Variants in ABCC9 observed in about 807,000 individuals in gnomAD.
ABCC9 encodes the protein ATP binding cassette subfamily C member 9.
Under a neutral mutation model 188.3 loss-of-function variants are expected in ABCC9, and 95 were observed. The ratio of observed to expected loss-of-function variants is 0.50; its 90% CI spans 0.43 to 0.60. ABCC9 has a LOEUF of 0.60. Among genes scored for constraint, ABCC9 ranks in the 20% least tolerant of loss-of-function variants. ABCC9 has a pLI of 0.00. For missense variants in ABCC9, 1,102 were observed against 1,876.3 expected (o/e 0.59, Z 7.62); for synonymous variants, 659 against 652.7 (o/e 1.01, Z -0.15).
intron 2 of ABCC9, among the ~76,000 whole-genome samples, chr12:21,936,924 T>C (rs1214776504): frequency 2.6e-5 from 4 of 152,168 alleles, no homozygotes; most frequent in African/African-American, 9.7e-5. Flanking sequence ...TGCTTTCATG[T>C]GGAAAATGTA....
chr12:21,805,967 A>G (rs1255467330), intron 39 of ABCC9, 31 bp downstream of exon 39: 27 of 1,606,474 alleles, frequency 1.7e-5, no homozygotes, highest in South Asian at 2.2e-5. Flanking sequence ...AAAACCAAAG[A>G]GGTATACCAA....
chr12:21,863,365 T>TA (rs1307978476), intron 19 of ABCC9, among the ~76,000 whole-genome samples: 2 of 152,098 alleles, frequency 1.3e-5, no homozygotes, highest in African/African-American at 4.8e-5. Context: ...CTATAATTTT[T>TA]AAAAAATAAT....
intron 12 of ABCC9, among the ~76,000 whole-genome samples, chr12:21,897,479 G>C (rs987778215): frequency 2.0e-5 from 3 of 152,198 alleles, no homozygotes; most frequent in Non-Finnish European, 4.4e-5. Context: ...CATAGTGCCA[G>C]AGATGGAGTG....
At position 21,814,635 on chromosome 12, in the gene ABCC9, G is replaced by C; in HGVS notation, c.4102+9C>G. 3 of 1,613,114 alleles carry C rather than the reference G, an allele frequency of 1.9e-6. No individual in the cohort carries two copies. Among genetic ancestry groups the C allele is most frequent in the Non-Finnish European group, 2.5e-6 (3 of 1,179,342 alleles). On this transcript the variant is annotated intron_variant, in intron 35 of 39. Transcript: ENST00000261200. ...AGTGGCCACTTAAAAAATTTAGTTA[G>C]CAACTCACCATCAAATATATCAACC... is the stretch of plus-strand genomic sequence containing the variant.
chr12:21,858,417 TAA>T (rs948182402), intron 22 of ABCC9, among the ~76,000 whole-genome samples: 2 of 137,034 alleles, frequency 1.5e-5, no homozygotes, highest in Non-Finnish European at 1.6e-5. Flanking sequence ...CTACTAAAAA[TAA>T]AAAAAAAAAA....
intron 24 of ABCC9, among the ~76,000 whole-genome samples, chr12:21,850,247 GTTGATAGGAAAC>G (rs904850508): frequency 7.2e-5 from 11 of 151,754 alleles, no homozygotes; most frequent in Non-Finnish European, 1.3e-4. Context: ...ATTGGCCCAG[GTTGATAGGAAAC>G]ACCCTGTCCT....
chr12:21,877,683 G>C (rs61921468), intron 16 of ABCC9, among the ~76,000 whole-genome samples: 1 of 152,114 alleles, frequency 6.6e-6, no homozygotes. Flanking sequence ...GGGAGCTAAG[G>C]TGATCTGGAG....
chr12:21,901,304 G>T (rs1305467794), intron 12 of ABCC9, among the ~76,000 whole-genome samples: 1 of 152,100 alleles, frequency 6.6e-6, no homozygotes, highest in Non-Finnish European at 1.5e-5. Flanking sequence ...CCTGAAGGAA[G>T]CAATAAACAT....
At chr12:21,890,909 A>C (rs1293749240) in intron 14 of ABCC9, among the ~76,000 whole-genome samples, 1 of 152,104 alleles carries the variant, frequency 6.6e-6, no homozygotes, top group Non-Finnish European at 1.5e-5. Flanking sequence ...AACATGGCAC[A>C]TGTATACATA....
At chr12:21,808,778 CAAAAAAAA>C (rs34314026) in intron 37 of ABCC9, among the ~76,000 whole-genome samples, 2 of 80,508 alleles carry the variant, frequency 2.5e-5, no homozygotes, top group Non-Finnish European at 2.5e-5. Context: ...GAACTTGTCT[CAAAAAAAA>C]AAAAAAAAAA....
chr12:21,936,870 C>T (rs1222948676), intron 2 of ABCC9, among the ~76,000 whole-genome samples, 176 bp from the exon 3 acceptor site: 1 of 152,108 alleles, frequency 6.6e-6, no homozygotes, highest in Non-Finnish European at 1.5e-5. Context: ...TAAAATACGT[C>T]CTATGAGATC....
At chr12:21,847,093 T>C (rs1368227540) in intron 25 of ABCC9, among the ~76,000 whole-genome samples, 2 of 152,116 alleles carry the variant, frequency 1.3e-5, no homozygotes, top group Non-Finnish European at 2.9e-5. Flanking sequence ...TGTACTGTAA[T>C]TGGCTCTTCA....
intron 22 of ABCC9, among the ~76,000 whole-genome samples, chr12:21,853,492 A>G (rs1945072398): frequency 6.6e-6 from 1 of 152,152 alleles, no homozygotes; most frequent in African/African-American, 2.4e-5. Flanking sequence ...TAAGAATAGC[A>G]TGCCTAACAC....
In ABCC9 at chr12:21,915,933, G is replaced by A. The variant is rs369499652; in HGVS notation, c.574-23C>T. ...TCTCTGTGGCAAGAAAAATTCCACA[G>A]TATAACAATTAGTCCAATTATTTTC... On this transcript the variant is annotated intron_variant, in intron 6 of 39. Coordinates refer to ENST00000261200, the MANE Select transcript of ABCC9 (RefSeq NM_020297.4). 30 of 1,602,478 alleles carry A rather than the reference G, an allele frequency of 1.9e-5. No individual in the cohort carries two copies. In the African/African-American group the frequency reaches 3.4e-4, roughly 18 times the overall value.
rs546341324 is a variant in ABCC9, at chr12:21,903,308, C to A, written c.1618+2818G>T. Among the ~76,000 whole-genome samples the A allele has an allele frequency of 7.9e-5, 12 of 152,236 alleles. No homozygotes were observed. The East Asian group carries it at 2.1e-3, about 27-fold the overall frequency. ...AATAATAAGAGCTATTTATGACAAA[C>A]CCACAGCCAATATCATACCGAATAG... On this transcript the variant is annotated intron_variant, in intron 12 of 39. Transcript: ENST00000261200.
At chr12:21,899,397 G>T (rs992290956) in intron 12 of ABCC9, among the ~76,000 whole-genome samples, 2 of 152,186 alleles carry the variant, frequency 1.3e-5, no homozygotes, top group African/African-American at 4.8e-5. Flanking sequence ...TGCAGAAGAC[G>T]GGTGACTTCT....
At chr12:21,844,573 A>C (rs749043051) in intron 27 of ABCC9, 21 bp from the exon 28 acceptor site, 5 of 1,609,134 alleles carry the variant, frequency 3.1e-6, no homozygotes, top group Middle Eastern at 1.7e-4. Context: ...AACAGATGGA[A>C]GTATATGATA....
chr12:21,887,540 G>A (rs1946940851), intron 15 of ABCC9, among the ~76,000 whole-genome samples: 1 of 152,096 alleles, frequency 6.6e-6, no homozygotes, highest in African/African-American at 2.4e-5. Context: ...AAGCTTATTT[G>A]GTGTTATTTT....
chr12:21,870,252 T>C (rs1946001162), intron 18 of ABCC9, among the ~76,000 whole-genome samples: 2 of 151,990 alleles, frequency 1.3e-5, no homozygotes, highest in African/African-American at 4.8e-5. Context: ...GATATTTCTT[T>C]AGTTTTTTGT....
Sources: gnomAD v4.1 joint callset for allele counts (sites outside exome capture counted in the v4.1 genomes callset) on GRCh38, gnomAD v4.1.1 for gene constraint, MANE v1.5 for transcripts, NCBI Gene and HGNC (gene_info 2026-07-23, HGNC 2026-07-21) for gene names.